The following ITGBL1 variants were observed in gnomAD, a reference collection of about 807,000 sequenced individuals.
ITGBL1 encodes integrin subunit beta like 1.
In ITGBL1, 51 loss-of-function variants were observed where a neutral mutation model predicts 68.5. The observed-to-expected ratio is 0.74, with a 90% CI of 0.59 to 0.94. The LOEUF is 0.94. Ranked by LOEUF, ITGBL1 falls within the 40% of genes least tolerant of loss-of-function variation. The pLI is 0.00. For missense variants in ITGBL1, 649 were observed against 647.4 expected (o/e 1.00, Z -0.03); for synonymous variants, 209 against 227.3 (o/e 0.92, Z 0.72).
intron 3 of ITGBL1, 42 bp from the exon 4 acceptor site, chr13:101,575,382 A>G (rs1359435296): frequency 6.3e-7 from 1 of 1,575,318 alleles, no homozygotes; most frequent in South Asian, 1.1e-5. Flanking sequence ...TTATAATTTT[A>G]TGTGCATGTA....
chr13:101,567,874 A>T, intron 3 of ITGBL1, 29 bp downstream of exon 3: 1 of 1,582,586 alleles, frequency 6.3e-7, no homozygotes, highest in Non-Finnish European at 8.6e-7. Flanking sequence ...GAAAATTGTT[A>T]AGTGGAATAA....
chr13:101,454,845 G>T (rs1375387033), intron 2 of ITGBL1, among the ~76,000 whole-genome samples: 1 of 152,172 alleles, frequency 6.6e-6, no homozygotes, highest in Non-Finnish European at 1.5e-5. Flanking sequence ...TTCTTGCATT[G>T]TTCTAGCTGC....
At chr13:101,608,874 G>A (rs1313092395) in intron 7 of ITGBL1, among the ~76,000 whole-genome samples, 2 of 151,968 alleles carry the variant, frequency 1.3e-5, no homozygotes, top group African/African-American at 4.8e-5. Context: ...TCTTATCCAA[G>A]AGGAATGGTC....
chr13:101,558,015 G>A (rs1454269466), intron 2 of ITGBL1, among the ~76,000 whole-genome samples: 3 of 138,004 alleles, frequency 2.2e-5, no homozygotes, highest in African/African-American at 8.3e-5. Flanking sequence ...CTTGAATTCG[G>A]GAGGCGGAGG....
Position 101,682,145 on chromosome 13 carries a change from C to G in ITGBL1, c.1016-10440C>G, listed in dbSNP as rs369701095. Reference sequence around the variant, plus strand: ...ATGACCTTTCCATTTCTTCTCTTACCCTCTGATTATTTCTACTGTAACTAC... The same window carrying G: ...ATGACCTTTCCATTTCTTCTCTTACGCTCTGATTATTTCTACTGTAACTAC... On this transcript the variant is annotated intron_variant, in intron 7 of 10. Transcript: ENST00000376180. 1.1e-4 allele frequency among the ~76,000 whole-genome samples: 16 copies of G among 152,138 alleles called. 1 individual carries two copies. The highest frequency in any genetic ancestry group is 3.9e-4 in the African/African-American group (16 of 41,512).
chr13:101,711,413 A>C (rs1161064445), intron 9 of ITGBL1: 1 of 152,370 alleles, frequency 6.6e-6, no homozygotes, highest in Non-Finnish European at 1.5e-5. Context: ...AGAAAAGAGA[A>C]AGAGTGAAAG....
chr13:101,540,149 T>A (rs1232460835), intron 2 of ITGBL1, among the ~76,000 whole-genome samples: 5 of 152,246 alleles, frequency 3.3e-5, no homozygotes, highest in South Asian at 2.1e-4. Context: ...CTGAATGGTA[T>A]TGCCTAGGTT....
intron 7 of ITGBL1, among the ~76,000 whole-genome samples, chr13:101,671,538 A>G (rs2033373798): frequency 7.1e-6 from 1 of 141,134 alleles, no homozygotes; most frequent in Non-Finnish European, 1.5e-5. Flanking sequence ...TCCCGGGTTC[A>G]CGCCATTCTC....
chr13:101,662,345 G>A (rs2033109762), intron 7 of ITGBL1, among the ~76,000 whole-genome samples: 2 of 152,066 alleles, frequency 1.3e-5, no homozygotes, highest in South Asian at 4.1e-4. Context: ...TTTTATTGAA[G>A]CTTTGAATGA....
intron 2 of ITGBL1, among the ~76,000 whole-genome samples, chr13:101,558,784 AC>A (rs2050053068): frequency 6.6e-6 from 1 of 152,198 alleles, no homozygotes; most frequent in Non-Finnish European, 1.5e-5. Context: ...AAATATTGGG[AC>A]CAGAAAAATT....
At chr13:101,535,590 T>C (rs1326704813) in intron 2 of ITGBL1, among the ~76,000 whole-genome samples, 1 of 152,124 alleles carries the variant, frequency 6.6e-6, no homozygotes, top group African/African-American at 2.4e-5. Context: ...TTATCTAAAC[T>C]TAATCTAGGT....
chr13:101,694,610 G>A (rs1179366592), intron 8 of ITGBL1, among the ~76,000 whole-genome samples: 1 of 135,126 alleles, frequency 7.4e-6, no homozygotes, highest in East Asian at 1.9e-4. Context: ...GTGGAGATTT[G>A]GGGGTCTCAC....
At chr13:101,716,869 T>C (rs1461029445), downstream of ITGBL1, 2 of 152,106 alleles carry the variant, frequency 1.3e-5, no homozygotes, top group African/African-American at 4.8e-5. Flanking sequence ...AAATGTTTAT[T>C]TTCTTAATGG....
chr13:101,720,340 C>T (rs2139642459), downstream of ITGBL1: 1 of 152,218 alleles, frequency 6.6e-6, no homozygotes, highest in South Asian at 2.1e-4. Flanking sequence ...ATTTGACATC[C>T]TTCATAGGGA....
At chr13:101,703,610 G>A (rs1296132592) in intron 8 of ITGBL1, among the ~76,000 whole-genome samples, 2 of 152,198 alleles carry the variant, frequency 1.3e-5, no homozygotes, top group Non-Finnish European at 2.9e-5. Flanking sequence ...CGTTGTGATG[G>A]TGATGTAAGT....
chr13:101,566,737 A>G (rs188696316), intron 2 of ITGBL1, among the ~76,000 whole-genome samples: 3 of 152,286 alleles, frequency 2.0e-5, no homozygotes, highest in South Asian at 4.1e-4. Flanking sequence ...GCATTTAGAC[A>G]TAGTAGTATT....
chr13:101,619,836 A>G (rs2031513601), intron 7 of ITGBL1, among the ~76,000 whole-genome samples: 3 of 152,228 alleles, frequency 2.0e-5, no homozygotes, highest in Non-Finnish European at 4.4e-5. Flanking sequence ...AACTATAGGC[A>G]TAAACATAGA....
intron 7 of ITGBL1, among the ~76,000 whole-genome samples, chr13:101,606,089 A>G (rs1344373749): frequency 7.4e-6 from 1 of 135,198 alleles, no homozygotes; most frequent in African/African-American, 2.7e-5. Context: ...TATGCTATAT[A>G]TATATATATG....
At chr13:101,499,687 G>A (rs1163533408) in intron 2 of ITGBL1, among the ~76,000 whole-genome samples, 1 of 152,114 alleles carries the variant, frequency 6.6e-6, no homozygotes, top group East Asian at 1.9e-4. Context: ...GAAGACTTTG[G>A]CAATTGATTT....
Sources: gnomAD v4.1 joint callset for allele counts (sites outside exome capture counted in the v4.1 genomes callset) on GRCh38, gnomAD v4.1.1 for gene constraint, MANE v1.5 for transcripts, NCBI Gene and HGNC (gene_info 2026-07-23, HGNC 2026-07-21) for gene names.